The following TENM2 variants were observed in gnomAD, a reference collection of about 807,000 sequenced individuals.
TENM2 encodes teneurin-2.
Under a neutral mutation model 245.2 loss-of-function variants are expected in TENM2, and 52 were observed. That is an observed-to-expected ratio of 0.21 (90% CI 0.17 to 0.27). TENM2 has a LOEUF of 0.27. Among genes scored for constraint, TENM2 ranks in the 10% least tolerant of loss-of-function variants. TENM2 has a pLI of 1.00. For synonymous variants in TENM2, 1,363 were observed against 1,438.9 expected (o/e 0.95, Z 1.19); for missense variants, 3,046 against 3,666.8 (o/e 0.83, Z 4.37).
the TENM2 span, among the ~76,000 whole-genome samples, chr5:167,085,410 G>C: frequency 6.6e-6 from 1 of 152,108 alleles, no homozygotes; most frequent in Non-Finnish European, 1.5e-5. Context: ...TAGGTAATTG[G>C]AAAGCTATCT....
At position 167,686,143 on chromosome 5, in the gene TENM2, A is replaced by G. The variant is rs142914802; in HGVS notation, c.503-189843A>G. 2.8e-3 allele frequency among the ~76,000 whole-genome samples: 434 copies of G among 152,358 alleles called. 1 individual carries two copies. Among genetic ancestry groups the G allele is most frequent in the Middle Eastern group, 0.01 (3 of 294 alleles). ...TGATCACTTACTATTATTTTCCAAGATCCACCATACTTGTCCCGTGGCAAA... is the reference window on the plus strand; with the variant it reads ...TGATCACTTACTATTATTTTCCAAGGTCCACCATACTTGTCCCGTGGCAAA... On this transcript the variant is annotated intron_variant, in intron 2 of 28. Transcript: ENST00000518659.
At chr5:167,771,846 G>A (rs1479216270) in intron 2 of TENM2, among the ~76,000 whole-genome samples, 1 of 152,202 alleles carries the variant, frequency 6.6e-6, no homozygotes, top group Non-Finnish European at 1.5e-5. Context: ...AAGCTGAAAT[G>A]TTTTTGATTC....
At chr5:167,742,369 A>T (rs1284450365) in intron 2 of TENM2, among the ~76,000 whole-genome samples, 5 of 95,012 alleles carry the variant, frequency 5.3e-5, no homozygotes, top group African/African-American at 3.9e-5. Flanking sequence ...TAGATAAATT[A>T]AAAAAAAAAA....
chr5:167,603,169 G>T (rs1056173032), intron 2 of TENM2, among the ~76,000 whole-genome samples: 1 of 152,106 alleles, frequency 6.6e-6, no homozygotes, highest in Non-Finnish European at 1.5e-5. Context: ...AATGTCATTT[G>T]TTCTTGTTAG....
At chr5:167,353,494 G>GTT (rs1759075121) in intron 1 of TENM2, among the ~76,000 whole-genome samples, 2 of 89,074 alleles carry the variant, frequency 2.2e-5, no homozygotes, top group African/African-American at 4.3e-5. Flanking sequence ...TTTTGTTGTT[G>GTT]TTGTTGTTTT....
chr5:167,828,907 G>A (rs1286399914), intron 2 of TENM2, among the ~76,000 whole-genome samples: 1 of 152,180 alleles, frequency 6.6e-6, no homozygotes. Context: ...TCAAGGTGTG[G>A]AGCTGGTTAA....
chr5:167,035,055 A>C, the TENM2 span, among the ~76,000 whole-genome samples: 1 of 152,208 alleles, frequency 6.6e-6, no homozygotes, highest in Non-Finnish European at 1.5e-5. Context: ...TCAGGTACCC[A>C]GCTGCAATTT....
At chr5:167,824,965 C>A (rs1261234954) in intron 2 of TENM2, among the ~76,000 whole-genome samples, 1 of 152,222 alleles carries the variant, frequency 6.6e-6, no homozygotes, top group Non-Finnish European at 1.5e-5. Context: ...CACCCTACCA[C>A]TAACTTGCTT....
chr5:167,267,877 A>G, the TENM2 span, among the ~76,000 whole-genome samples: 1 of 152,114 alleles, frequency 6.6e-6, no homozygotes, highest in Non-Finnish European at 1.5e-5. Context: ...CTTTCATATT[A>G]CCTATTGATT....
the TENM2 span, among the ~76,000 whole-genome samples, chr5:167,207,913 C>T: frequency 3.3e-5 from 5 of 152,048 alleles, no homozygotes; most frequent in African/African-American, 1.2e-4. Context: ...GCCAATGTGC[C>T]CAGCTAATTT....
chr5:167,843,289 G>C lies in TENM2; in HGVS notation c.503-32697G>C, dbSNP rs536421389. On this transcript the variant is annotated intron_variant, in intron 2 of 28. Coordinates refer to ENST00000518659, the Ensembl canonical transcript of TENM2. Reference sequence around the variant, plus strand: ...GGGATCATGCTTGCTCTGAGAATTTGAGGACGTTTTTGTTTGCTTGTGTGT... The same window carrying C: ...GGGATCATGCTTGCTCTGAGAATTTCAGGACGTTTTTGTTTGCTTGTGTGT... 5.4e-4 allele frequency among the ~76,000 whole-genome samples: 26 copies of C among 47,956 alleles called. No individual in the cohort carries two copies. In the East Asian group the frequency reaches 6.0e-3, roughly 11 times the overall value. The allele number at this position is 47,956 out of a possible 152,430, so 31.5% of individuals were successfully genotyped here.
chr5:167,410,492 CA>C (rs1249325887), intron 2 of TENM2, among the ~76,000 whole-genome samples: 1 of 151,428 alleles, frequency 6.6e-6, no homozygotes, highest in Non-Finnish European at 1.5e-5. Flanking sequence ...TAAAAATTAG[CA>C]AAACTTCCAA....
chr5:168,005,068 A>T (rs927550785), intron 5 of TENM2, among the ~76,000 whole-genome samples: 1 of 152,000 alleles, frequency 6.6e-6, no homozygotes, highest in Non-Finnish European at 1.5e-5. Flanking sequence ...TTTTCTGGGG[A>T]TGTGAGTGCT....
At chr5:167,923,304 A>G (rs1777511521) in intron 3 of TENM2, among the ~76,000 whole-genome samples, 1 of 149,562 alleles carries the variant, frequency 6.7e-6, no homozygotes, top group African/African-American at 2.5e-5. Flanking sequence ...GGGCAAGAGT[A>G]AGACTCTGTC....
At chr5:168,229,036 TATATATAATTACATATATAATTA>T (rs1764567575) in intron 25 of TENM2, among the ~76,000 whole-genome samples, 1 of 148,086 alleles carries the variant, frequency 6.8e-6, no homozygotes, top group Admixed American at 6.8e-5. Flanking sequence ...TACATTACAT[TATATATAATTACATATATAATTA>T]ATGTATAATT....
At chr5:167,389,446 TA>T (rs1323700367) in intron 2 of TENM2, among the ~76,000 whole-genome samples, 11 of 151,948 alleles carry the variant, frequency 7.2e-5, no homozygotes, top group African/African-American at 2.4e-4. Context: ...TATATAGCAT[TA>T]TTTTTTTTGG....
At chr5:168,223,833 C>T (rs188690412) in intron 23 of TENM2, among the ~76,000 whole-genome samples, 2 of 152,080 alleles carry the variant, frequency 1.3e-5, no homozygotes, top group Admixed American at 1.3e-4. Context: ...GTCAAAATTC[C>T]ATACAGCAAA....
rs569769102 is a variant in TENM2, at chr5:168,247,116, C to T, written c.6177C>T (p.Phe2059=). ...TGGTCAACCTCCAAAGTGGGGGCTT[C>T]TCCTGCACCATCAGGTACCGGAAGA... The change falls in exon 27 of 29, where the codon TTC becomes TTT. Residue 2059 remains phenylalanine, a synonymous_variant. Transcript: ENST00000518659. This position sits in a 1 kb window ranked among gnomAD's most constrained non-coding sequence, Gnocchi z 7.8. The T allele has an allele frequency of 5.3e-5, 85 of 1,613,976 alleles. No individual in the cohort carries two copies. The Admixed American group carries it at 1.3e-3, about 24-fold the overall frequency.
intron 3 of TENM2, among the ~76,000 whole-genome samples, chr5:167,951,640 T>TG (rs1452401946): frequency 2.0e-5 from 3 of 152,128 alleles, no homozygotes; most frequent in African/African-American, 7.2e-5. Context: ...GGATGCAATT[T>TG]GGAGTCGGGG....
Sources: gnomAD v4.1 joint callset for allele counts (sites outside exome capture counted in the v4.1 genomes callset) on GRCh38, gnomAD v4.1.1 for gene constraint, Gnocchi (gnomAD v3.1) non-coding constraint, MANE v1.5 for transcripts, NCBI Gene and HGNC (gene_info 2026-07-23, HGNC 2026-07-21) for gene names.